LIPA: variants seen among roughly 807,000 people sequenced by gnomAD.
The protein encoded by LIPA is lysosomal acid lipase/cholesteryl ester hydrolase.
Under a neutral mutation model 40.6 loss-of-function variants are expected in LIPA, and 26 were observed. That is an observed-to-expected ratio of 0.64 (90% confidence interval 0.47 to 0.89). The LOEUF is 0.89. Ranked by LOEUF, LIPA falls within the 40% of genes least tolerant of loss-of-function variation. The pLI is 0.00. For missense variants in LIPA, 455 were observed against 479.6 expected, an observed-to-expected ratio of 0.95 and a Z score of 0.48; for synonymous variants, 188 against 168.4, an observed-to-expected ratio of 1.12 and a Z score of -0.90.
At chr10:89,318,771 C>T (rs1181001162) in intron 1 of LIPA, among the ~76,000 whole-genome samples, 2 of 152,194 alleles carry the variant, frequency 1.3e-5, no homozygotes, top group African/African-American at 4.8e-5. Context: ...TTCTTCTCAG[C>T]ACCACATTGC....
chr10:89,384,626 A>G, intron 2 of LIPA: 3 of 1,614,248 alleles, frequency 1.9e-6, no homozygotes, highest in Non-Finnish European at 2.5e-6. Flanking sequence ...CGGGTTGTGG[A>G]AAGTGTCAGC....
intron 1 of LIPA, among the ~76,000 whole-genome samples, chr10:89,267,516 G>A (rs1425752648): frequency 6.9e-6 from 1 of 145,344 alleles, no homozygotes; most frequent in Non-Finnish European, 1.5e-5. Context: ...ACTCATAGGT[G>A]GGAATTGAAC....
intron 2 of LIPA, among the ~76,000 whole-genome samples, chr10:89,350,208 A>G (rs1277992485): frequency 6.6e-6 from 1 of 152,110 alleles, no homozygotes; most frequent in Non-Finnish European, 1.5e-5. Flanking sequence ...TGGTGTGAAG[A>G]GACTGATGGG....
intron 5 of LIPA, among the ~76,000 whole-genome samples, chr10:89,225,741 G>A (rs549725907): frequency 5.3e-5 from 8 of 152,166 alleles, no homozygotes; most frequent in African/African-American, 1.9e-4. Flanking sequence ...ATCTTTAATT[G>A]TAGTTCCCAT....
Position 89,245,669 on chromosome 10 carries a change from C to G in LIPA, c.229+7G>C. 1 of 1,417,446 alleles carries G rather than the reference C, an allele frequency of 7.1e-7. No homozygotes were observed. The highest frequency in any genetic ancestry group is 1.0e-6 in the Non-Finnish European group (1 of 1,001,110). 87.8% of individuals were successfully genotyped at this position (1,417,446 alleles called of 1,614,324 possible). On this transcript the variant is annotated splice_region_variant and intron_variant, in intron 3 of 9. Transcript: ENST00000336233. ...TCTGGTTTTTACTTTTAAGAGCCTT[C>G]CCATACCTTTGTCAGAATGGTTCTT... is the stretch of plus-strand genomic sequence containing the variant.
chr10:89,295,121 C>A (rs1335580902), intron 1 of LIPA, among the ~76,000 whole-genome samples: 2 of 139,934 alleles, frequency 1.4e-5, no homozygotes, highest in Non-Finnish European at 3.1e-5. Flanking sequence ...TTAACTATAT[C>A]AATATTTTTG....
In LIPA at chr10:89,385,128, T is replaced by G. The variant is rs1844201140; in HGVS notation, c.61+27663A>C. ...AACTTCCCCATTTTGGAATGCTGAC[T>G]CCAGTCATTAGGTGTCTGTATTTCC... On this transcript the variant is annotated intron_variant, in intron 2 of 8. Coordinates refer to the LIPA transcript ENST00000371837. The G allele has an allele frequency of 1.8e-5, 3 of 166,054 alleles. No homozygotes were observed. In the South Asian group the frequency reaches 5.0e-4, roughly 28 times the overall value. 10.3% of individuals were successfully genotyped at this position (166,054 alleles called of 1,614,324 possible).
chr10:89,281,521 A>C (rs1390699438), intron 1 of LIPA, among the ~76,000 whole-genome samples: 1 of 152,202 alleles, frequency 6.6e-6, no homozygotes, highest in Non-Finnish European at 1.5e-5. Flanking sequence ...CTTTAACTCC[A>C]CAAGGTTGCT....
chr10:89,349,126 G>T (rs1002200287), intron 2 of LIPA, among the ~76,000 whole-genome samples: 23 of 152,088 alleles, frequency 1.5e-4, no homozygotes, highest in Non-Finnish European at 5.9e-5. Flanking sequence ...CCTCCAAAAG[G>T]AACTCAGATG....
intron 5 of LIPA, 109 bp from the exon 6 acceptor site, chr10:89,225,337 C>G (rs766553765): frequency 9.1e-6 from 12 of 1,321,744 alleles, no homozygotes; most frequent in African/African-American, 4.3e-5. Flanking sequence ...CTGAGACCCA[C>G]GCAAACAATA....
chr10:89,322,371 C>T (rs1843576579), intron 1 of LIPA, among the ~76,000 whole-genome samples: 1 of 152,112 alleles, frequency 6.6e-6, no homozygotes. Context: ...CGGGATCCTT[C>T]AAGATGTAAG....
chr10:89,232,181 C>T (rs998147973), intron 3 of LIPA, among the ~76,000 whole-genome samples: 1 of 152,158 alleles, frequency 6.6e-6, no homozygotes. Context: ...GGTAACTGTA[C>T]GTGAGAATGG....
chr10:89,327,443 C>G (rs930036385), intron 1 of LIPA, among the ~76,000 whole-genome samples: 4 of 151,812 alleles, frequency 2.6e-5, no homozygotes, highest in African/African-American at 4.8e-5. Flanking sequence ...CCCAGCTACT[C>G]GGGAGGCTGA....
intron 8 of LIPA, among the ~76,000 whole-genome samples, chr10:89,217,137 A>T (rs1316123966): frequency 6.6e-6 from 1 of 152,256 alleles, no homozygotes; most frequent in Admixed American, 6.5e-5. Context: ...AGCCAAATGA[A>T]TTTGAAATGG....
At chr10:89,322,988 G>A (rs901025977) in intron 1 of LIPA, among the ~76,000 whole-genome samples, 3 of 152,122 alleles carry the variant, frequency 2.0e-5, no homozygotes, top group African/African-American at 7.2e-5. Flanking sequence ...TGTTGTCCTG[G>A]GAAACATTCA....
At chr10:89,269,324 T>A (rs942960520) in intron 1 of LIPA, among the ~76,000 whole-genome samples, 76 of 152,224 alleles carry the variant, frequency 5.0e-4, no homozygotes, top group African/African-American at 1.5e-3. Flanking sequence ...GTCAAAAAAA[T>A]AATAATAATA....
chr10:89,219,385 G>A (rs573404133), intron 8 of LIPA, among the ~76,000 whole-genome samples: 280 of 152,232 alleles, frequency 1.8e-3, no homozygotes, highest in African/African-American at 6.4e-3. Context: ...CTCTGGGCAG[G>A]GCCAGTGAGA....
intron 1 of LIPA, among the ~76,000 whole-genome samples, chr10:89,248,520 G>A (rs1266746846): frequency 2.7e-5 from 4 of 148,972 alleles, no homozygotes; most frequent in African/African-American, 5.0e-5. Context: ...TGTCGCCCAG[G>A]CTGGAGTGCA....
chr10:89,224,436 G>C (rs537152751), intron 6 of LIPA, among the ~76,000 whole-genome samples: 2 of 152,228 alleles, frequency 1.3e-5, no homozygotes, highest in African/African-American at 4.8e-5. Context: ...CATGAGAGAC[G>C]TTATACCTCA....
Sources: gnomAD v4.1 joint callset for allele counts (sites outside exome capture counted in the v4.1 genomes callset) on GRCh38, gnomAD v4.1.1 for gene constraint, MANE v1.5 for transcripts, NCBI Gene and HGNC (gene_info 2026-07-23, HGNC 2026-07-21) for gene names.